Variants in SLC13A3 observed in about 807,000 individuals in gnomAD.
SLC13A3 encodes solute carrier family 13 member 3.
Under a neutral mutation model 59.0 loss-of-function variants are expected in SLC13A3, and 40 were observed. The ratio of observed to expected loss-of-function variants is 0.68; its 90% confidence interval spans 0.53 to 0.88. The LOEUF (loss-of-function observed/expected upper bound fraction) is 0.88, where lower values mean the gene tolerates loss of function less well. SLC13A3 is among the 40% of genes least tolerant of loss of function. SLC13A3 has a pLI of 0.00. For missense variants in SLC13A3, 699 were observed against 783.2 expected (o/e 0.89, Z 1.28); for synonymous variants, 317 against 330.3 (o/e 0.96, Z 0.44).
intron 1 of SLC13A3, among the ~76,000 whole-genome samples, chr20:46,628,339 T>C (rs742594): frequency 0.24 from 37,223 of 152,112 alleles, 4,816 homozygotes; most frequent in East Asian, 0.48. Context: ...AGAATCTTGC[T>C]GAGCGGGCCC....
At chr20:46,649,482 G>C (rs1034268743) in intron 1 of SLC13A3, among the ~76,000 whole-genome samples, 7 of 152,140 alleles carry the variant, frequency 4.6e-5, no homozygotes, top group African/African-American at 1.7e-4. Flanking sequence ...GAAGCTGTCG[G>C]GACCCCTACT....
intron 3 of SLC13A3, chr20:46,609,073 A>C: frequency 6.5e-7 from 1 of 1,549,320 alleles, no homozygotes; most frequent in Non-Finnish European, 8.7e-7. Flanking sequence ...AGAACAAAGG[A>C]AGAATCAATG....
At chr20:46,626,097 T>TTCTCTCTC (rs74176872) in intron 1 of SLC13A3, among the ~76,000 whole-genome samples, 8,885 of 145,750 alleles carry the variant, frequency 0.061, 276 homozygotes, top group Admixed American at 0.091. Flanking sequence ...CAAAGCTGTA[T>TTCTCTCTC]TCTCTCTCTC....
intron 1 of SLC13A3, among the ~76,000 whole-genome samples, chr20:46,677,944 A>G (rs926447578): frequency 1.3e-5 from 2 of 152,230 alleles, no homozygotes; most frequent in African/African-American, 4.8e-5. Context: ...TTTACATATG[A>G]AACAATCCAT....
At chr20:46,641,095 G>A (rs544552635) in intron 1 of SLC13A3, among the ~76,000 whole-genome samples, 1 of 152,248 alleles carries the variant, frequency 6.6e-6, no homozygotes, top group African/African-American at 2.4e-5. Context: ...CCACTAGGCT[G>A]GGAGAGGTTA....
chr20:46,670,526 T>A (rs2063085119), upstream of SLC13A3, among the ~76,000 whole-genome samples: 1 of 152,210 alleles, frequency 6.6e-6, no homozygotes. Context: ...ACATTAGGGC[T>A]TGTCTTCTTT....
intron 8 of SLC13A3, among the ~76,000 whole-genome samples, chr20:46,587,326 C>A (rs912311523): frequency 1.1e-4 from 17 of 152,264 alleles, no homozygotes; most frequent in African/African-American, 4.1e-4. Flanking sequence ...AGGTTGAGTA[C>A]CTTACAACCC....
In SLC13A3 at chr20:46,656,626, T is replaced by C. The variant is rs1042132707; in HGVS notation, c.-31+13417A>G. 6.0e-5 allele frequency among the ~76,000 whole-genome samples: 9 copies of C among 148,932 alleles called. No homozygotes were observed. In the East Asian group the frequency reaches 1.7e-3, roughly 29 times the overall value. ...ATATACTATAGTGTATATATTATACTGTATATGATATATACTACCTATTAT... is the reference window on the plus strand; with the variant it reads ...ATATACTATAGTGTATATATTATACCGTATATGATATATACTACCTATTAT... On this transcript the variant is annotated intron_variant, in intron 1 of 12. Coordinates refer to the SLC13A3 transcript ENST00000290317.
chr20:46,651,259 A>G, intron 1 of SLC13A3, 52 bp downstream of exon 1: 1 of 1,436,068 alleles, frequency 7.0e-7, no homozygotes. Flanking sequence ...GCTTGGGAGA[A>G]GAGGATCCCG....
chr20:46,618,153 G>A (rs140360163), intron 1 of SLC13A3, among the ~76,000 whole-genome samples: 10 of 150,186 alleles, frequency 6.7e-5, no homozygotes, highest in Admixed American at 3.9e-4. Context: ...AGTCCACACC[G>A]CTACTTGGCA....
chr20:46,586,256 C>T (rs1417324507), intron 8 of SLC13A3, among the ~76,000 whole-genome samples: 3 of 152,060 alleles, frequency 2.0e-5, no homozygotes, highest in African/African-American at 7.2e-5. Context: ...ATCATGTTCC[C>T]ACTCACACCA....
intron 9 of SLC13A3, among the ~76,000 whole-genome samples, chr20:46,581,339 C>T (rs1454988474): frequency 6.6e-6 from 1 of 152,120 alleles, no homozygotes; most frequent in Non-Finnish European, 1.5e-5. Context: ...CAGGGATCTA[C>T]GAGGCTGTGA....
intron 11 of SLC13A3, among the ~76,000 whole-genome samples, chr20:46,563,888 GGGA>G (rs1284342990): frequency 3.9e-5 from 6 of 152,196 alleles, no homozygotes; most frequent in Non-Finnish European, 7.3e-5. Flanking sequence ...GGTTTGATCA[GGGA>G]TGGGCTGGGG....
At chr20:46,601,292 G>T (rs913516763) in intron 3 of SLC13A3, among the ~76,000 whole-genome samples, 1 of 152,176 alleles carries the variant, frequency 6.6e-6, no homozygotes, top group African/African-American at 2.4e-5. Flanking sequence ...TGAGAGTCCA[G>T]TTCTGGATCT....
At chr20:46,649,891 T>C (rs565931707) in intron 1 of SLC13A3, among the ~76,000 whole-genome samples, 1 of 152,328 alleles carries the variant, frequency 6.6e-6, no homozygotes, top group East Asian at 1.9e-4. Flanking sequence ...GAACCACTGG[T>C]GTCACCTTCT....
chr20:46,645,296 C>T (rs1419770379), intron 1 of SLC13A3, among the ~76,000 whole-genome samples: 2 of 152,234 alleles, frequency 1.3e-5, no homozygotes, highest in African/African-American at 4.8e-5. Flanking sequence ...CCTAATCACA[C>T]CTGGAAAGTC....
At chr20:46,563,615 GGAGA>G (rs1555874384) in intron 11 of SLC13A3, 64 bp from the exon 12 acceptor site, 38 of 1,425,614 alleles carry the variant, frequency 2.7e-5, no homozygotes, top group South Asian at 5.5e-5. Context: ...ACAGCAAGAG[GGAGA>G]GAGAGAGAGA....
chr20:46,659,586 G>A (rs1167140608), intron 1 of SLC13A3, among the ~76,000 whole-genome samples: 7 of 151,752 alleles, frequency 4.6e-5, no homozygotes, highest in Non-Finnish European at 1.0e-4. Flanking sequence ...GTAGTTGCAG[G>A]CATCTGTAGT....
At chr20:46,587,275 G>T (rs3092473) in intron 8 of SLC13A3, among the ~76,000 whole-genome samples, 13,747 of 152,134 alleles carry the variant, frequency 0.09, 655 homozygotes, top group African/African-American at 0.11. Context: ...AAACGTACTA[G>T]TATAATATCA....
Sources: allele counts gnomAD v4.1 joint callset (sites outside exome capture counted in the v4.1 genomes callset), GRCh38; gene constraint gnomAD v4.1.1; transcripts MANE v1.5; gene names NCBI Gene and HGNC (gene_info 2026-07-23, HGNC 2026-07-21).